The following ARHGAP28 variants were observed in gnomAD, a reference collection of about 807,000 sequenced individuals.
The protein encoded by ARHGAP28 is rho GTPase-activating protein 28.
ARHGAP28 carries 56 observed loss-of-function variants against 90.7 expected under a neutral mutation model. That is an observed-to-expected ratio of 0.62 (90% CI 0.50 to 0.77). The LOEUF (loss-of-function observed/expected upper bound fraction) is 0.77. Among genes scored for constraint, ARHGAP28 ranks in the 30% least tolerant of loss-of-function variants. ARHGAP28 has a pLI of 0.00. For missense variants in ARHGAP28, 869 were observed against 900.9 expected, an observed-to-expected ratio of 0.96 and a Z score of 0.45; for synonymous variants, 308 against 323.3, an observed-to-expected ratio of 0.95 and a Z score of 0.51.
intron 1 of ARHGAP28, among the ~76,000 whole-genome samples, chr18:6,795,427 G>A (rs2056435067): frequency 6.6e-6 from 1 of 152,164 alleles, no homozygotes; most frequent in South Asian, 2.1e-4. Context: ...TGTGTCCCAA[G>A]AAGGCACACA....
At position 6,914,474 on chromosome 18, in the gene ARHGAP28, A is replaced by G. The variant is rs1461026440; in HGVS notation, c.*2320A>G. On this transcript the variant is annotated 3_prime_UTR_variant, in exon 18 of 18. Transcript: ENST00000383472. Reference sequence around the variant, plus strand: ...AGAGAAGAATTTTTAGTAGATACACAGACTAATATTTGTGTGGAGGTTCTT... The same window carrying G: ...AGAGAAGAATTTTTAGTAGATACACGGACTAATATTTGTGTGGAGGTTCTT... 1 of 152,206 alleles carries G rather than the reference A, an allele frequency of 6.6e-6. No homozygotes were observed. Among genetic ancestry groups the G allele is most frequent in the African/African-American group, 2.4e-5 (1 of 41,454 alleles). The allele number at this position is 152,206 out of a possible 1,614,324, so 9.4% of individuals were successfully genotyped here.
chr18:6,809,580 C>T (rs151282521), intron 1 of ARHGAP28, among the ~76,000 whole-genome samples: 5 of 152,158 alleles, frequency 3.3e-5, no homozygotes, highest in Admixed American at 6.5e-5. Flanking sequence ...ACATGGCCAG[C>T]AGGAGAGAGA....
chr18:6,763,588 T>C lies in ARHGAP28; in HGVS notation c.122+33645T>C, dbSNP rs576567738. 1.5e-3 allele frequency among the ~76,000 whole-genome samples: 229 copies of C among 152,328 alleles called. 1 individual carries two copies. The highest frequency in any genetic ancestry group is 5.4e-3 in the African/African-American group (224 of 41,568). On this transcript the variant is annotated intron_variant, in intron 1 of 17. Transcript: ENST00000383472. ...CATCCTACTTTACTGCAGACACTTGTTTAATTTTCTTCTCTGCTAGTCTCA... is the reference window on the plus strand; with the variant it reads ...CATCCTACTTTACTGCAGACACTTGCTTAATTTTCTTCTCTGCTAGTCTCA...
chr18:6,882,992 G>A (rs1341928161), intron 11 of ARHGAP28, among the ~76,000 whole-genome samples: 1 of 152,018 alleles, frequency 6.6e-6, no homozygotes. Flanking sequence ...GTAGAATGGG[G>A]GTACATAGTG....
chr18:6,767,420 C>A (rs975551946), intron 1 of ARHGAP28, among the ~76,000 whole-genome samples: 1 of 151,928 alleles, frequency 6.6e-6, no homozygotes, highest in Non-Finnish European at 1.5e-5. Context: ...CATTTTTATT[C>A]TTTTGTAGAG....
At chr18:6,855,789 T>C (rs529270800) in intron 4 of ARHGAP28, among the ~76,000 whole-genome samples, 1 of 152,260 alleles carries the variant, frequency 6.6e-6, no homozygotes, top group African/African-American at 2.4e-5. Context: ...ACCACCGCAT[T>C]CCCTGGTGCC....
At chr18:6,901,510 T>C (rs563664819) in intron 16 of ARHGAP28, among the ~76,000 whole-genome samples, 1 of 149,596 alleles carries the variant, frequency 6.7e-6, no homozygotes, top group Admixed American at 6.7e-5. Context: ...GATAGTATGT[T>C]GATAGTATCA....
At chr18:6,755,112 G>T (rs1048373301) in intron 1 of ARHGAP28, among the ~76,000 whole-genome samples, 3 of 152,166 alleles carry the variant, frequency 2.0e-5, no homozygotes, top group African/African-American at 4.8e-5. Context: ...GGCAGAGGCT[G>T]CAGTGAGCCG....
intron 1 of ARHGAP28, among the ~76,000 whole-genome samples, chr18:6,820,684 A>G (rs2056620942): frequency 6.6e-6 from 1 of 152,246 alleles, no homozygotes; most frequent in South Asian, 2.1e-4. Context: ...AAGAATTGTA[A>G]CTGACTCTCA....
intron 1 of ARHGAP28, among the ~76,000 whole-genome samples, chr18:6,814,990 T>TA (rs983418380): frequency 3.7e-4 from 57 of 152,250 alleles, no homozygotes; most frequent in African/African-American, 1.3e-3. Flanking sequence ...CCTAATTGGA[T>TA]AAAAAATATG....
At position 6,870,823 on chromosome 18, in the gene ARHGAP28, G is replaced by A. The variant is rs566595034; in HGVS notation, c.954+91G>A. On this transcript the variant is annotated intron_variant, in intron 7 of 17. Transcript: ENST00000383472. ...TCTTTTTCTTTTTTTTTTTTGAGAC[G>A]GAGTCTCGCTCTATTGCCCCAGGCT... 5.3e-4 allele frequency: 699 copies of A among 1,329,528 alleles called. 2 individuals are homozygous for A. The highest frequency in any genetic ancestry group is 2.0e-3 in the Middle Eastern group (7 of 3,548). The allele number at this position is 1,329,528 out of a possible 1,614,324, so 82.4% of individuals were successfully genotyped here.
chr18:6,735,113 T>C (rs1054882424), intron 1 of ARHGAP28, among the ~76,000 whole-genome samples: 2 of 152,206 alleles, frequency 1.3e-5, no homozygotes, highest in African/African-American at 4.8e-5. Flanking sequence ...AATCGCCTTA[T>C]GTAGATGAAG....
At chr18:6,839,062 A>G (rs564526838) in intron 3 of ARHGAP28, among the ~76,000 whole-genome samples, 1 of 152,296 alleles carries the variant, frequency 6.6e-6, no homozygotes, top group South Asian at 2.1e-4. Flanking sequence ...AGTGGCACTT[A>G]GAGTTCTTTA....
At chr18:6,777,831 G>T (rs958286725) in intron 1 of ARHGAP28, among the ~76,000 whole-genome samples, 1 of 152,124 alleles carries the variant, frequency 6.6e-6, no homozygotes, top group African/African-American at 2.4e-5. Context: ...GTGGGGAGAG[G>T]CTGGGGCTGC....
chr18:6,880,063 G>C (rs576842711), intron 10 of ARHGAP28, among the ~76,000 whole-genome samples: 4 of 152,244 alleles, frequency 2.6e-5, no homozygotes, highest in African/African-American at 7.2e-5. Flanking sequence ...TCCTCTCGCT[G>C]GTGCTTCCTG....
chr18:6,901,165 T>C (rs2057336293), intron 16 of ARHGAP28, among the ~76,000 whole-genome samples: 1 of 152,112 alleles, frequency 6.6e-6, no homozygotes, highest in East Asian at 1.9e-4. Flanking sequence ...AGAAAGGAAA[T>C]TATAACAAGG....
intron 1 of ARHGAP28, among the ~76,000 whole-genome samples, chr18:6,759,209 G>T (rs1164254259): frequency 6.6e-6 from 1 of 152,146 alleles, no homozygotes; most frequent in Non-Finnish European, 1.5e-5. Context: ...TTTAGACACA[G>T]TTACTCAAAT....
rs1313478032 is a variant in ARHGAP28 at position 6,912,679 on chromosome 18, TCTGA to T, written c.*532_*535del. 6.6e-6 allele frequency: 1 copy of T among 152,228 alleles called. No individual in the cohort carries two copies. The highest frequency in any genetic ancestry group is 2.4e-5 in the African/African-American group (1 of 41,452). 9.4% of individuals were successfully genotyped at this position (152,228 alleles called of 1,614,324 possible). On this transcript the variant is annotated 3_prime_UTR_variant, in exon 18 of 18. Transcript: ENST00000383472. ...AAAGTGAAACATGCAATATTTATGC[TCTGA>T]CTGACTCCTGAATTGGAAGAGGAAG...
chr18:6,863,028 A>T lies in ARHGAP28; in HGVS notation c.726+3131A>T, dbSNP rs965409428. Among the ~76,000 whole-genome samples the T allele has an allele frequency of 3.9e-5, 6 of 152,102 alleles. 1 individual carries two copies. Among genetic ancestry groups the T allele is most frequent in the Admixed American group, 2.0e-4 (3 of 15,272 alleles). Reference sequence around the variant, plus strand: ...TCCTGAAGCTTTTCTGCTGCTAAAAATTTTTCATTTAATTTTATGATTTTT... The same window carrying T: ...TCCTGAAGCTTTTCTGCTGCTAAAATTTTTTCATTTAATTTTATGATTTTT... On this transcript the variant is annotated intron_variant, in intron 5 of 17. Coordinates refer to ENST00000383472, the MANE Select transcript of ARHGAP28 (RefSeq NM_001366230.1).
Sources: allele counts gnomAD v4.1 joint callset (sites outside exome capture counted in the v4.1 genomes callset), GRCh38; gene constraint gnomAD v4.1.1; transcripts MANE v1.5; gene names NCBI Gene and HGNC (gene_info 2026-07-23, HGNC 2026-07-21).